The following ABCA13 variants were observed in gnomAD, a reference collection of about 807,000 sequenced individuals.
The protein encoded by ABCA13 is ATP binding cassette subfamily A member 13.
ABCA13 carries 476 observed loss-of-function variants against 478.7 expected under a neutral mutation model. The ratio of observed to expected loss-of-function variants is 0.99; its 90% confidence interval spans 0.92 to 1.07. The LOEUF is 1.07. Ranked by LOEUF, ABCA13 falls within the 50% of genes least tolerant of loss-of-function variation. ABCA13 has a pLI of 0.00. For missense variants in ABCA13, 6,060 were observed against 5,910.6 expected (o/e 1.03, Z -0.83); for synonymous variants, 2,252 against 2,158.9 (o/e 1.04, Z -1.20).
chr7:48,276,855 A>T (rs1796372127), intron 17 of ABCA13, among the ~76,000 whole-genome samples: 1 of 152,154 alleles, frequency 6.6e-6, no homozygotes, highest in African/African-American at 2.4e-5. Context: ...GGATCTGAAA[A>T]ATTAGTTTTC....
chr7:48,259,260 C>G (rs571379470), intron 15 of ABCA13, among the ~76,000 whole-genome samples: 167 of 152,236 alleles, frequency 1.1e-3, no homozygotes, highest in African/African-American at 3.9e-3. Flanking sequence ...TCTCTACGAA[C>G]TCATTTTATG....
intron 3 of ABCA13, among the ~76,000 whole-genome samples, chr7:48,216,104 T>C (rs1786433075): frequency 1.3e-5 from 2 of 152,358 alleles, no homozygotes; most frequent in South Asian, 4.1e-4. Flanking sequence ...TGTATGTTTT[T>C]GTTTCTCTTG....
chr7:48,324,455 A>G (rs1395818618), intron 27 of ABCA13, among the ~76,000 whole-genome samples: 1 of 152,188 alleles, frequency 6.6e-6, no homozygotes, highest in Admixed American at 6.5e-5. Context: ...CAGCATATGA[A>G]TTTGGGAAGC....
At chr7:48,356,581 TTAAC>T (rs1809961139) in intron 31 of ABCA13, among the ~76,000 whole-genome samples, 1 of 151,744 alleles carries the variant, frequency 6.6e-6, no homozygotes, top group Non-Finnish European at 1.5e-5. Context: ...TTAACTCTAT[TTAAC>T]TAAAAATTTT....
intron 55 of ABCA13, among the ~76,000 whole-genome samples, chr7:48,540,659 C>T (rs1204189280): frequency 1.3e-5 from 2 of 152,028 alleles, no homozygotes; most frequent in Admixed American, 1.3e-4. Flanking sequence ...GTATTTTTGT[C>T]TCTTCTTTGA....
rs1409430534 is a variant in ABCA13 at position 48,245,981 on chromosome 7, C to CAGTTTAAAA, written c.1610_1611insAGTTTAAAA (p.Ser537_Ser538insValTer). ...CAGGGACTGTTGTGCTATTGTAACTCCTCTGAGACGAGTGTTTTAAACAAG... is the reference window on the plus strand; with the variant it reads ...CAGGGACTGTTGTGCTATTGTAACTCAGTTTAAAACTCTGAGACGAGTGTTTTAAACAAG... On this transcript the variant is annotated stop_gained and inframe_insertion, in exon 13 of 62. Transcript: ENST00000435803. LOFTEE classifies it high-confidence loss of function. The CAGTTTAAAA allele has an allele frequency of 5.6e-6, 9 of 1,613,620 alleles. No individual in the cohort carries two copies. The highest frequency in any genetic ancestry group is 7.6e-6 in the Non-Finnish European group (9 of 1,179,794).
At chr7:48,550,743 C>T (rs1174729613) in intron 55 of ABCA13, among the ~76,000 whole-genome samples, 1 of 151,482 alleles carries the variant, frequency 6.6e-6, no homozygotes, top group Middle Eastern at 3.2e-3. Flanking sequence ...ATCCATCCGT[C>T]TGTCCATCCA....
intron 3 of ABCA13, among the ~76,000 whole-genome samples, chr7:48,204,607 G>A (rs568191988): frequency 5.2e-4 from 79 of 152,218 alleles, no homozygotes; most frequent in Non-Finnish European, 8.2e-4. Flanking sequence ...GTCCCATTCC[G>A]ATGCTTTGGG....
chr7:48,423,585 T>C (rs980123603), intron 41 of ABCA13, among the ~76,000 whole-genome samples: 3 of 152,268 alleles, frequency 2.0e-5, no homozygotes, highest in African/African-American at 7.2e-5. Context: ...AGTGTAGAGA[T>C]GACACTGGGC....
chr7:48,298,973 G>C (rs1799779306), intron 23 of ABCA13, among the ~76,000 whole-genome samples: 1 of 152,152 alleles, frequency 6.6e-6, no homozygotes, highest in African/African-American at 2.4e-5. Flanking sequence ...GTAATGGCAG[G>C]CTGTGTCATC....
At chr7:48,189,669 A>G (rs935880699) in intron 1 of ABCA13, among the ~76,000 whole-genome samples, 1 of 152,218 alleles carries the variant, frequency 6.6e-6, no homozygotes, top group Non-Finnish European at 1.5e-5. Context: ...GGACTGAAAA[A>G]TATTTGTGAT....
chr7:48,523,043 T>C (rs145332846), intron 53 of ABCA13, among the ~76,000 whole-genome samples: 33 of 152,304 alleles, frequency 2.2e-4, no homozygotes, highest in African/African-American at 7.0e-4. Context: ...ATTGAACACA[T>C]TGATGTAGCC....
At position 48,278,653 on chromosome 7, in the gene ABCA13, G is replaced by A; in HGVS notation, c.7459G>A (p.Glu2487Lys). 1 of 1,613,588 alleles carries A rather than the reference G, an allele frequency of 6.2e-7. No individual in the cohort carries two copies. The highest frequency in any genetic ancestry group is 8.5e-7 in the Non-Finnish European group (1 of 1,179,506). Residue 2487 changes from glutamate to lysine, a missense_variant, in exon 18 of 62, where the codon GAA (glutamate) becomes AAA (lysine). Physicochemically the swap from Glu to Lys is moderately conservative, Grantham distance 56 (BLOSUM62 1). Coordinates refer to ENST00000435803, the MANE Select transcript of ABCA13 (RefSeq NM_152701.5). Reference sequence around the variant, plus strand: ...AGTTGGTGCTATTTCAAGAGCAAGTGAAGAAAGTCACGTCCTGAAACCCCT... The same window carrying A: ...AGTTGGTGCTATTTCAAGAGCAAGTAAAGAAAGTCACGTCCTGAAACCCCT... ...RLVGAISRAS[E>K]ESHVLKPLLE...
At chr7:48,419,460 G>T (rs55878507) in intron 41 of ABCA13, among the ~76,000 whole-genome samples, 57,775 of 151,782 alleles carry the variant, frequency 0.38, 11,602 homozygotes, top group African/African-American at 0.51. Flanking sequence ...TTTGACAAAT[G>T]TATAGAGTTG....
At chr7:48,526,473 T>C (rs936578714) in intron 54 of ABCA13, among the ~76,000 whole-genome samples, 1 of 152,224 alleles carries the variant, frequency 6.6e-6, no homozygotes, top group Non-Finnish European at 1.5e-5. Flanking sequence ...TGCAAAAGTC[T>C]GTGGAAAATA....
At chr7:48,602,108 A>T (rs1790954377) in intron 58 of ABCA13, among the ~76,000 whole-genome samples, 2 of 152,106 alleles carry the variant, frequency 1.3e-5, no homozygotes, top group Non-Finnish European at 2.9e-5. Context: ...AGTTCTTTGT[A>T]GATTCTGGAT....
chr7:48,283,693 A>T (rs776706431), intron 19 of ABCA13, among the ~76,000 whole-genome samples: 1 of 152,132 alleles, frequency 6.6e-6, no homozygotes, highest in Non-Finnish European at 1.5e-5. Flanking sequence ...CGTGGTCTGT[A>T]AGGCTGCCTC....
chr7:48,407,635 C>T (rs1439203634), intron 39 of ABCA13, among the ~76,000 whole-genome samples: 1 of 151,898 alleles, frequency 6.6e-6, no homozygotes, highest in Non-Finnish European at 1.5e-5. Flanking sequence ...CAGCTCACTG[C>T]AACCTCTGCC....
At chr7:48,239,205 G>C (rs761639177) in intron 8 of ABCA13, 36 bp from the exon 9 acceptor site, 1 of 1,608,972 alleles carries the variant, frequency 6.2e-7, no homozygotes, top group African/African-American at 1.3e-5. Flanking sequence ...TAGGAAAGGA[G>C]CTTTATGTCT....
Sources: gnomAD v4.1 joint callset for allele counts (sites outside exome capture counted in the v4.1 genomes callset) on GRCh38, gnomAD v4.1.1 for gene constraint, MANE v1.5 for transcripts, NCBI Gene and HGNC (gene_info 2026-07-23, HGNC 2026-07-21) for gene names.